TMEM132C: variants seen among roughly 807,000 people sequenced by gnomAD.
TMEM132C encodes transmembrane protein 132C.
A neutral mutation model predicts 61.4 loss-of-function variants in TMEM132C; 29 were observed. That is an observed-to-expected ratio of 0.47 (90% CI 0.35 to 0.64). TMEM132C has a LOEUF of 0.64. Among genes scored for constraint, TMEM132C ranks in the 30% least tolerant of loss-of-function variants. The probability of loss-of-function intolerance (pLI) is 0.00; values close to 1 mark genes in which losing one functional copy is unlikely to be tolerated. For synonymous variants in TMEM132C, 656 were observed against 633.1 expected (o/e 1.04, Z -0.54); for missense variants, 1,408 against 1,476.9 (o/e 0.95, Z 0.76).
chr12:128,461,091 C>T (rs933699741), intron 2 of TMEM132C, among the ~76,000 whole-genome samples: 1 of 152,132 alleles, frequency 6.6e-6, no homozygotes, highest in Admixed American at 6.5e-5. Context: ...TATTGCTGAC[C>T]TTGTCAGTGA....
At chr12:128,421,383 T>G (rs1868982557) in intron 2 of TMEM132C, among the ~76,000 whole-genome samples, 1 of 152,196 alleles carries the variant, frequency 6.6e-6, no homozygotes, top group African/African-American at 2.4e-5. Flanking sequence ...ATCATCGAGG[T>G]CCATTGCTGG....
chr12:128,642,195 G>A (rs994541759), intron 4 of TMEM132C, among the ~76,000 whole-genome samples: 1 of 151,816 alleles, frequency 6.6e-6, no homozygotes, highest in African/African-American at 2.4e-5. Context: ...GCAGTGGTGC[G>A]ATCTCGGCTC....
At chr12:128,463,131 C>A (rs1191115852) in intron 2 of TMEM132C, among the ~76,000 whole-genome samples, 1 of 152,188 alleles carries the variant, frequency 6.6e-6, no homozygotes, top group Non-Finnish European at 1.5e-5. Context: ...GCCTGGAGGT[C>A]TTCCGGCTAC....
rs191960439 is a variant in TMEM132C at position 128,518,672 on chromosome 12, T to C, written c.975-25285T>C. On this transcript the variant is annotated intron_variant, in intron 2 of 8. Coordinates refer to ENST00000435159, the MANE Select transcript of TMEM132C (RefSeq NM_001136103.3). ...TACTTCTTTTGATCTTCAGCTTCAA[T>C]CTAAACCGCCTACCCTATCCCCTTG... is the stretch of plus-strand genomic sequence containing the variant. Among the ~76,000 whole-genome samples the C allele has an allele frequency of 1.6e-4, 24 of 152,358 alleles. No individual in the cohort carries two copies. In the East Asian group the frequency reaches 4.6e-3, roughly 29 times the overall value.
chr12:128,666,234 C>T (rs1954472805), intron 4 of TMEM132C, among the ~76,000 whole-genome samples: 1 of 151,374 alleles, frequency 6.6e-6, no homozygotes, highest in Non-Finnish European at 1.5e-5. Flanking sequence ...CACAGGCACA[C>T]ACACATTCAC....
At chr12:128,270,944 G>A (rs1320903444) in intron 1 of TMEM132C, among the ~76,000 whole-genome samples, 1 of 151,248 alleles carries the variant, frequency 6.6e-6, no homozygotes, top group Non-Finnish European at 1.5e-5. Context: ...TTTTTCAAAG[G>A]CTCCCAACAT....
Position 128,699,239 on chromosome 12 carries a change from C to T in TMEM132C, c.2121+1824C>T, listed in dbSNP as rs115164124. Among the ~76,000 whole-genome samples the T allele has an allele frequency of 2.5e-3, 388 of 152,272 alleles. 2 individuals are homozygous for T. The highest frequency in any genetic ancestry group is 8.4e-3 in the African/African-American group (350 of 41,552). On this transcript the variant is annotated intron_variant, in intron 8 of 8. Coordinates refer to ENST00000435159, the MANE Select transcript of TMEM132C (RefSeq NM_001136103.3). ...CCCATTATCTGCTGCTATGTAACGA[C>T]GGCCACACACTTAGTAGCTGAAAAT...
chr12:128,433,306 G>C (rs1869459368), intron 2 of TMEM132C, among the ~76,000 whole-genome samples: 3 of 152,114 alleles, frequency 2.0e-5, no homozygotes, highest in Admixed American at 1.3e-4. Flanking sequence ...ACTTTCCAGT[G>C]GAACAGAACA....
intron 2 of TMEM132C, among the ~76,000 whole-genome samples, chr12:128,534,048 A>G (rs1217701483): frequency 2.0e-5 from 3 of 152,080 alleles, no homozygotes; most frequent in Admixed American, 6.6e-5. Context: ...AGAATTTCAT[A>G]AGAAGATTGT....
intron 1 of TMEM132C, among the ~76,000 whole-genome samples, chr12:128,280,266 AG>A (rs1442584514): frequency 1.3e-5 from 2 of 152,222 alleles, no homozygotes; most frequent in Non-Finnish European, 2.9e-5. Context: ...TCAGAAGAGG[AG>A]TGTGATACAC....
chr12:128,291,230 G>A (rs1871237299), intron 1 of TMEM132C, among the ~76,000 whole-genome samples: 1 of 152,230 alleles, frequency 6.6e-6, no homozygotes, highest in Non-Finnish European at 1.5e-5. Flanking sequence ...TAGAGGTGTT[G>A]CAAACCTCCC....
chr12:128,501,783 A>G (rs1872190067), intron 2 of TMEM132C, among the ~76,000 whole-genome samples: 2 of 152,268 alleles, frequency 1.3e-5, no homozygotes, highest in Non-Finnish European at 2.9e-5. Flanking sequence ...CTATGTATCC[A>G]GATGAACTTT....
chr12:128,508,462 G>A (rs983978348), intron 2 of TMEM132C, among the ~76,000 whole-genome samples: 2 of 152,302 alleles, frequency 1.3e-5, no homozygotes, highest in East Asian at 1.9e-4. Flanking sequence ...CGTTTCTCCT[G>A]GTAATGATAG....
At chr12:128,442,408 T>C (rs191448479) in intron 2 of TMEM132C, among the ~76,000 whole-genome samples, 13 of 152,308 alleles carry the variant, frequency 8.5e-5, no homozygotes, top group Non-Finnish European at 1.9e-4. Flanking sequence ...ATTAGAACCA[T>C]CTGGAGAGAG....
intron 1 of TMEM132C, among the ~76,000 whole-genome samples, chr12:128,375,708 C>T (rs969212514): frequency 6.6e-6 from 1 of 152,102 alleles, no homozygotes; most frequent in Non-Finnish European, 1.5e-5. Context: ...GGACACAGCT[C>T]TTTGAGGGAC....
intron 4 of TMEM132C, among the ~76,000 whole-genome samples, chr12:128,632,595 C>T (rs112553117): frequency 0.028 from 4,322 of 152,168 alleles, 87 homozygotes; most frequent in Non-Finnish European, 0.039. Context: ...AATTTTTTTC[C>T]GACTACGAAA....
intron 2 of TMEM132C, among the ~76,000 whole-genome samples, chr12:128,491,345 C>T (rs2136100625): frequency 6.6e-6 from 1 of 152,242 alleles, no homozygotes; most frequent in South Asian, 2.1e-4. Context: ...CATCTAAATC[C>T]CATTGATTCT....
At chr12:128,649,216 A>G (rs1331571000) in intron 4 of TMEM132C, among the ~76,000 whole-genome samples, 1 of 152,172 alleles carries the variant, frequency 6.6e-6, no homozygotes, top group Non-Finnish European at 1.5e-5. Context: ...TATTAATCAC[A>G]CTCATGCAAA....
intron 2 of TMEM132C, among the ~76,000 whole-genome samples, chr12:128,535,240 G>T (rs1476322898): frequency 6.6e-6 from 1 of 152,138 alleles, no homozygotes; most frequent in East Asian, 1.9e-4. Flanking sequence ...AGACAAATGG[G>T]ATCTAATTAA....
Sources: gnomAD v4.1 joint callset for allele counts (sites outside exome capture counted in the v4.1 genomes callset) on GRCh38, gnomAD v4.1.1 for gene constraint, MANE v1.5 for transcripts, NCBI Gene and HGNC (gene_info 2026-07-23, HGNC 2026-07-21) for gene names.